The following ALPK2 variants were observed in gnomAD, a reference collection of about 807,000 sequenced individuals.
ALPK2 encodes alpha kinase 2, also known as alpha-protein kinase 2.
ALPK2 carries 127 observed loss-of-function variants against 163.1 expected under a neutral mutation model. That is an observed-to-expected ratio of 0.78 (90% CI 0.67 to 0.90). The LOEUF is 0.90. Ranked by LOEUF, ALPK2 falls within the 40% of genes least tolerant of loss-of-function variation. ALPK2 has a pLI of 0.00. For synonymous variants in ALPK2, 953 were observed against 959.1 expected, an observed-to-expected ratio of 0.99 and a Z score of 0.12; for missense variants, 2,360 against 2,589.6, an observed-to-expected ratio of 0.91 and a Z score of 1.92.
chr18:58,546,322 AT>A (rs1420507464), intron 4 of ALPK2, among the ~76,000 whole-genome samples: 1 of 152,084 alleles, frequency 6.6e-6, no homozygotes, highest in Non-Finnish European at 1.5e-5. Flanking sequence ...TAAAATACTG[AT>A]TTGATCTTTT....
At chr18:58,529,046 A>C in intron 6 of ALPK2, 45 bp downstream of exon 6, 1 of 1,612,356 alleles carries the variant, frequency 6.2e-7, no homozygotes, top group Non-Finnish European at 8.5e-7. Context: ...GTTGTGAAAT[A>C]AACAAGCAAC....
chr18:58,587,800 T>C (rs997171450), intron 3 of ALPK2, among the ~76,000 whole-genome samples: 1 of 151,800 alleles, frequency 6.6e-6, no homozygotes, highest in African/African-American at 2.4e-5. Flanking sequence ...GGAGAGAAGA[T>C]AGAGAAAAAA....
rs1393588927 is a variant in ALPK2, at chr18:58,509,711, A to G, written c.6029+5282T>C. On this transcript the variant is annotated intron_variant, in intron 10 of 12. Coordinates refer to ENST00000361673, the MANE Select transcript of ALPK2 (RefSeq NM_052947.4). ...TGAGAAGTGTCTGTTCATATCCTTC[A>G]CCCACTTGTTGATGGGGTTGTTTGT... Among the ~76,000 whole-genome samples, 1,280 of 151,918 alleles carry G rather than the reference A, an allele frequency of 8.4e-3. 5 individuals are homozygous for G. The highest frequency in any genetic ancestry group is 0.031 in the Middle Eastern group (9 of 294).
At chr18:58,589,191 G>A (rs1157405269) in intron 3 of ALPK2, among the ~76,000 whole-genome samples, 1 of 152,198 alleles carries the variant, frequency 6.6e-6, no homozygotes, top group East Asian at 1.9e-4. Flanking sequence ...TTGTTCACTT[G>A]TGTATCCTCT....
chr18:58,495,765 G>C (rs2051398387), intron 12 of ALPK2, among the ~76,000 whole-genome samples: 1 of 152,180 alleles, frequency 6.6e-6, no homozygotes, highest in African/African-American at 2.4e-5. Flanking sequence ...TATTTATCTA[G>C]CTCACTTCCA....
chr18:58,489,077 G>A (rs2051357027), intron 12 of ALPK2, among the ~76,000 whole-genome samples: 1 of 152,172 alleles, frequency 6.6e-6, no homozygotes, highest in Admixed American at 6.5e-5. Context: ...TCAGCGGGAG[G>A]AAGTTCTGTG....
intron 4 of ALPK2, among the ~76,000 whole-genome samples, chr18:58,573,299 T>C (rs2051897683): frequency 2.1e-5 from 3 of 141,714 alleles, no homozygotes; most frequent in Admixed American, 1.4e-4. Flanking sequence ...TATGTATATA[T>C]GTGTGTATAT....
intron 12 of ALPK2, among the ~76,000 whole-genome samples, chr18:58,483,308 CAT>C: frequency 6.6e-6 from 1 of 152,276 alleles, no homozygotes; most frequent in South Asian, 2.1e-4. Flanking sequence ...CTCTACAAAA[CAT>C]AAGTCATATC....
At chr18:58,488,128 A>G (rs1667680673) in intron 12 of ALPK2, among the ~76,000 whole-genome samples, 1 of 152,108 alleles carries the variant, frequency 6.6e-6, no homozygotes, top group Admixed American at 6.6e-5. Context: ...ACTCATCTCT[A>G]TTTGACTTTG....
chr18:58,582,794 G>T (rs1026510725), intron 3 of ALPK2, among the ~76,000 whole-genome samples: 8 of 151,824 alleles, frequency 5.3e-5, no homozygotes, highest in Non-Finnish European at 7.4e-5. Context: ...ATTTTGAAGT[G>T]GGGGGTGGGG....
intron 1 of ALPK2, among the ~76,000 whole-genome samples, chr18:58,619,528 C>T (rs2052187141): frequency 1.3e-5 from 2 of 152,202 alleles, no homozygotes; most frequent in Non-Finnish European, 2.9e-5. Flanking sequence ...CCCGAGAATA[C>T]TGTTGTCTCC....
intron 3 of ALPK2, among the ~76,000 whole-genome samples, chr18:58,589,342 G>A (rs993487914): frequency 1.3e-5 from 2 of 152,160 alleles, no homozygotes; most frequent in Non-Finnish European, 2.9e-5. Flanking sequence ...GGAGGAGGCC[G>A]GTTCCATCAA....
intron 3 of ALPK2, among the ~76,000 whole-genome samples, chr18:58,592,809 C>T (rs1370342873): frequency 6.6e-6 from 1 of 152,248 alleles, no homozygotes; most frequent in Non-Finnish European, 1.5e-5. Context: ...GCCGGCCCAT[C>T]TGCTCCGCAG....
chr18:58,611,761 A>G lies in ALPK2; in HGVS notation c.37T>C (p.Cys13Arg), dbSNP rs1169232931. 2.5e-6 allele frequency: 4 copies of G among 1,612,034 alleles called. No individual in the cohort carries two copies. Among genetic ancestry groups the G allele is most frequent in the Non-Finnish European group, 3.4e-6 (4 of 1,179,306 alleles). Reference sequence around the variant, plus strand: ...TGGGAAAGCAATGTAGATAAAAAACACAGCGGGGGCCTCTGGGGCCCTTCG... The same window carrying G: ...TGGGAAAGCAATGTAGATAAAAAACGCAGCGGGGGCCTCTGGGGCCCTTCG... ...DSEGPQRPPLCFLSTLLSQKV... is the reference protein window; with the variant it reads ...DSEGPQRPPLRFLSTLLSQKV... Residue 13 changes from cysteine (C) to arginine (R), a missense_variant, in exon 2 of 13, where the codon TGT becomes CGT. Cys to Arg is a radical substitution (Grantham distance 180). Coordinates refer to ENST00000361673, the MANE Select transcript of ALPK2 (RefSeq NM_052947.4).
intron 4 of ALPK2, among the ~76,000 whole-genome samples, chr18:58,538,794 C>G (rs775527810): frequency 2.6e-5 from 4 of 152,120 alleles, no homozygotes; most frequent in Non-Finnish European, 5.9e-5. Flanking sequence ...GGGGGTGGAT[C>G]TCTTACGAAT....
chr18:58,518,835 C>T (rs1165654753), intron 8 of ALPK2, among the ~76,000 whole-genome samples: 1 of 152,186 alleles, frequency 6.6e-6, no homozygotes, highest in Non-Finnish European at 1.5e-5. Context: ...CCTGTCACTT[C>T]TCTAAAAATG....
chr18:58,616,389 C>T (rs1334223155), intron 1 of ALPK2, among the ~76,000 whole-genome samples: 1 of 152,186 alleles, frequency 6.6e-6, no homozygotes, highest in Non-Finnish European at 1.5e-5. Context: ...TTCCAAAAGA[C>T]CCTCATTCCT....
chr18:58,567,901 A>T (rs2051864838), intron 4 of ALPK2, among the ~76,000 whole-genome samples: 1 of 152,090 alleles, frequency 6.6e-6, no homozygotes, highest in Non-Finnish European at 1.5e-5. Context: ...GACCCACTTT[A>T]ACAGCAGCTT....
intron 1 of ALPK2, among the ~76,000 whole-genome samples, chr18:58,617,540 G>A (rs1249959710): frequency 2.6e-5 from 4 of 152,068 alleles, no homozygotes; most frequent in African/African-American, 9.7e-5. Flanking sequence ...GATCCTAAGT[G>A]GATACATTTA....
Sources: allele counts gnomAD v4.1 joint callset (sites outside exome capture counted in the v4.1 genomes callset), GRCh38; gene constraint gnomAD v4.1.1; transcripts MANE v1.5; gene names NCBI Gene and HGNC (gene_info 2026-07-23, HGNC 2026-07-21).